Variants in GLI3 observed in about 807,000 individuals in gnomAD.
GLI3 encodes the protein transcription activator GLI3.
GLI3 carries 20 observed loss-of-function variants against 100.8 expected under a neutral mutation model. That is an observed-to-expected ratio of 0.20 (90% CI 0.14 to 0.29). GLI3 has a LOEUF of 0.29. Among genes scored for constraint, GLI3 ranks in the 10% least tolerant of loss-of-function variants. GLI3 has a pLI of 1.00. For missense variants in GLI3, 2,040 were observed against 2,128.5 expected (o/e 0.96, Z 0.82); for synonymous variants, 938 against 860.5 (o/e 1.09, Z -1.58).
intron 10 of GLI3, among the ~76,000 whole-genome samples, chr7:42,000,046 G>A (rs748069082): frequency 1.4e-4 from 22 of 152,190 alleles, no homozygotes; most frequent in Non-Finnish European, 2.2e-4. Context: ...CTGAATGCCC[G>A]TCAATCACAG....
chr7:42,057,921 A>G (rs1784495609), intron 4 of GLI3, among the ~76,000 whole-genome samples: 2 of 152,178 alleles, frequency 1.3e-5, no homozygotes, highest in Non-Finnish European at 2.9e-5. Flanking sequence ...AAGGATAAAA[A>G]AACTACATAT....
rs562307706 is a variant in GLI3 at position 42,194,290 on chromosome 7, T to C, written c.124+28840A>G. Among the ~76,000 whole-genome samples, 3 of 152,274 alleles carry C rather than the reference T, an allele frequency of 2.0e-5. No homozygotes were observed. The South Asian group carries it at 6.2e-4, about 32-fold the overall frequency. On this transcript the variant is annotated intron_variant, in intron 2 of 14. Coordinates refer to ENST00000395925, the MANE Select transcript of GLI3 (RefSeq NM_000168.6). ...TGAAACAGACTCATCAATATTTACA[T>C]TAAGAAAGGACAGGGCCAAACTTTA...
At chr7:42,105,408 T>A (rs1335734140) in intron 3 of GLI3, among the ~76,000 whole-genome samples, 1 of 152,082 alleles carries the variant, frequency 6.6e-6, no homozygotes, top group Non-Finnish European at 1.5e-5. Context: ...TAGTTTCAAA[T>A]ATTTATAAAA....
chr7:41,965,262 C>T lies in GLI3; in HGVS notation c.3811G>A (p.Ala1271Thr), dbSNP rs754881398. 2 of 1,613,668 alleles carry T rather than the reference C, an allele frequency of 1.2e-6. No individual in the cohort carries two copies. Among genetic ancestry groups the T allele is most frequent in the Non-Finnish European group, 1.7e-6 (2 of 1,179,728 alleles). The change falls in exon 15 of 15, where the codon GCC becomes ACC. Residue 1271 changes from alanine to threonine, a missense_variant. By Grantham distance (58) the Ala-to-Thr change is moderately conservative. Coordinates refer to ENST00000395925, the MANE Select transcript of GLI3 (RefSeq NM_000168.6). ...GAGGCTTGAATCCCGGCACCACAGG[C>T]ACCGTCGAGTGCACCAGGGGCCACT... ...QPVAPGALDG[A>T]CGAGIQASKL...
At chr7:42,060,844 C>T (rs575863094) in intron 4 of GLI3, among the ~76,000 whole-genome samples, 2 of 152,230 alleles carry the variant, frequency 1.3e-5, no homozygotes, top group South Asian at 4.2e-4. Flanking sequence ...TTACATTTTC[C>T]AACAATGCAG....
Position 42,219,828 on chromosome 7 carries a change from T to C in GLI3, c.124+3302A>G, listed in dbSNP as rs529537879. ...TAGGAGAGAAAATGCAGGTATCACA[T>C]TCATTTGGTTTTTGAAACTGAACTC... On this transcript the variant is annotated intron_variant, in intron 2 of 14. Coordinates refer to ENST00000395925, the MANE Select transcript of GLI3 (RefSeq NM_000168.6). Among the ~76,000 whole-genome samples the C allele has an allele frequency of 2.0e-5, 3 of 152,194 alleles. No individual in the cohort carries two copies. In the East Asian group the frequency reaches 5.8e-4, roughly 29 times the overall value.
chr7:42,237,507 A>G (rs1788836533), upstream of GLI3, among the ~76,000 whole-genome samples: 1 of 150,474 alleles, frequency 6.6e-6, no homozygotes, highest in Non-Finnish European at 1.5e-5. Flanking sequence ...ACGGGGTGGA[A>G]AAGTTGTCCC....
At chr7:42,170,036 G>A (rs577661215) in intron 2 of GLI3, among the ~76,000 whole-genome samples, 1 of 151,648 alleles carries the variant, frequency 6.6e-6, no homozygotes, top group South Asian at 2.1e-4. Flanking sequence ...GGCAGGCGGA[G>A]GTCAGGAGTT....
chr7:42,123,617 T>C (rs149906272), intron 3 of GLI3, among the ~76,000 whole-genome samples: 125 of 152,328 alleles, frequency 8.2e-4, no homozygotes, highest in Non-Finnish European at 1.7e-3. Context: ...CATCTTTACT[T>C]ATTGGGGAAA....
rs373667795 is a variant in GLI3, at chr7:42,191,773, T to C, written c.124+31357A>G. The stretch of plus-strand genomic sequence containing the variant: ...AATAACCCTATGAAGTAGATACCAT[T>C]ACTGTCCACCTTTTAAAGGTGAGAA... On this transcript the variant is annotated intron_variant, in intron 2 of 14. Transcript: ENST00000395925. Among the ~76,000 whole-genome samples the C allele has an allele frequency of 4.7e-4, 72 of 152,140 alleles. 2 individuals are homozygous for C. The highest frequency in any genetic ancestry group is 2.7e-3 in the East Asian group (14 of 5,188).
chr7:42,034,970 T>G (rs1195844461), intron 7 of GLI3, among the ~76,000 whole-genome samples: 1 of 152,122 alleles, frequency 6.6e-6, no homozygotes, highest in Non-Finnish European at 1.5e-5. Flanking sequence ...AGAGTTAAGC[T>G]CAGCTAAATA....
chr7:42,056,896 C>T (rs898369069), intron 4 of GLI3, among the ~76,000 whole-genome samples: 2 of 151,390 alleles, frequency 1.3e-5, no homozygotes, highest in Non-Finnish European at 2.9e-5. Context: ...GCTGCAGAAT[C>T]GCTTGAACCC....
chr7:42,200,013 G>A (rs1271610626), intron 2 of GLI3, among the ~76,000 whole-genome samples: 2 of 152,152 alleles, frequency 1.3e-5, no homozygotes, highest in African/African-American at 4.8e-5. Flanking sequence ...CTGAGATCAT[G>A]CCACTGCATT....
intron 2 of GLI3, among the ~76,000 whole-genome samples, chr7:42,168,568 C>T (rs1193591720): frequency 6.6e-6 from 1 of 151,982 alleles, no homozygotes; most frequent in Non-Finnish European, 1.5e-5. Context: ...ATCTCGTAAA[C>T]ATAATGTAGA....
chr7:42,215,751 A>C lies in GLI3; in HGVS notation c.124+7379T>G, dbSNP rs1186906375. 3.3e-5 allele frequency among the ~76,000 whole-genome samples: 5 copies of C among 152,204 alleles called. No individual in the cohort carries two copies. The East Asian group carries it at 9.6e-4, about 29-fold the overall frequency. On this transcript the variant is annotated intron_variant, in intron 2 of 14. Transcript: ENST00000395925. ...CTTTTTGAGGAGAAATCCAATAGCT[A>C]AAATCCCAACTTGTGCCAATTTCAG...
chr7:41,977,800 T>C, intron 11 of GLI3, 78 bp from the exon 12 acceptor site: 6 of 1,290,966 alleles, frequency 4.6e-6, no homozygotes, highest in South Asian at 1.2e-5. Context: ...TCCAAGTTGA[T>C]GAAAAACTGA....
chr7:42,142,967 G>GTGGCTCAC (rs1786609146), intron 3 of GLI3, among the ~76,000 whole-genome samples: 1 of 147,124 alleles, frequency 6.8e-6, no homozygotes, highest in South Asian at 2.1e-4. Flanking sequence ...GGCTATGTAA[G>GTGGCTCAC]TGGCTCACTG....
intron 2 of GLI3, among the ~76,000 whole-genome samples, chr7:42,198,787 A>C (rs1583640869): frequency 6.6e-6 from 1 of 151,818 alleles, no homozygotes; most frequent in Non-Finnish European, 1.5e-5. Context: ...CACACACACA[A>C]ACACACAGGC....
rs139620495 is a variant in GLI3, at chr7:42,133,252, G to A, written c.367+14974C>T. ...CTACTTTGGCTCTTGGCAAAACTAG[G>A]TTGGCATTCAAATGAAACAAGGAAC... On this transcript the variant is annotated intron_variant, in intron 3 of 14. Transcript: ENST00000395925. 2.5e-3 allele frequency among the ~76,000 whole-genome samples: 378 copies of A among 152,290 alleles called. 1 individual carries two copies. The highest frequency in any genetic ancestry group is 8.5e-3 in the African/African-American group (352 of 41,548).
Sources: allele counts gnomAD v4.1 joint callset (sites outside exome capture counted in the v4.1 genomes callset), GRCh38; gene constraint gnomAD v4.1.1; transcripts MANE v1.5; gene names NCBI Gene and HGNC (gene_info 2026-07-23, HGNC 2026-07-21).